Variants in SLC44A1 observed in about 807,000 individuals in gnomAD.
The protein encoded by SLC44A1 is choline transporter-like protein 1.
Under a neutral mutation model 79.3 loss-of-function variants are expected in SLC44A1, and 26 were observed. The observed-to-expected ratio is 0.33, with a 90% CI of 0.24 to 0.46. The LOEUF (loss-of-function observed/expected upper bound fraction) is 0.46. Ranked by LOEUF, SLC44A1 falls within the 20% of genes least tolerant of loss-of-function variation. The probability of loss-of-function intolerance (pLI) is 1.00; values close to 1 mark genes in which losing one functional copy is unlikely to be tolerated. For missense variants in SLC44A1, 688 were observed against 798.1 expected (o/e 0.86, Z 1.66); for synonymous variants, 263 against 286.2 (o/e 0.92, Z 0.82).
intron 3 of SLC44A1, among the ~76,000 whole-genome samples, chr9:105,322,114 G>A (rs148219236): frequency 9.4e-4 from 143 of 152,310 alleles, no homozygotes; most frequent in African/African-American, 3.2e-3. Context: ...GAGGCACACC[G>A]TGGAAGTGGA....
At chr9:105,370,482 G>A (rs1006444249) in intron 12 of SLC44A1, among the ~76,000 whole-genome samples, 1 of 152,172 alleles carries the variant, frequency 6.6e-6, no homozygotes, top group Admixed American at 6.5e-5. Context: ...TCTCAGAGGG[G>A]TGGAGAAAAG....
chr9:105,358,298 C>A, intron 6 of SLC44A1, 46 bp from the exon 7 acceptor site: 1 of 1,080,618 alleles, frequency 9.3e-7, no homozygotes, highest in East Asian at 2.4e-5. Flanking sequence ...TTGTATTTAC[C>A]TGCATTTTCA....
At chr9:105,422,723 C>T (rs1451863983) in intron 15 of SLC44A1, among the ~76,000 whole-genome samples, 1 of 152,134 alleles carries the variant, frequency 6.6e-6, no homozygotes, top group Non-Finnish European at 1.5e-5. Flanking sequence ...AATTATAATT[C>T]CCTGGGGGCA....
At chr9:105,343,911 G>A (rs1827174307) in intron 4 of SLC44A1, among the ~76,000 whole-genome samples, 1 of 152,200 alleles carries the variant, frequency 6.6e-6, no homozygotes, top group Middle Eastern at 3.2e-3. Context: ...AACAGTGGTT[G>A]ACAGACGATG....
At chr9:105,438,299 G>GTC in exon 16 of SLC44A1, 1 of 1,550,092 alleles carries the variant, frequency 6.5e-7, no homozygotes, top group Non-Finnish European at 8.7e-7. Flanking sequence ...AAGGTGACTG[G>GTC]TCTCATGAGC....
chr9:105,305,059 C>T (rs1402412268), intron 2 of SLC44A1, among the ~76,000 whole-genome samples: 2 of 133,694 alleles, frequency 1.5e-5, no homozygotes, highest in African/African-American at 2.8e-5. Context: ...CAGTCTTGAA[C>T]TCCTGGGTTC....
At chr9:105,432,542 T>G (rs1293412569) in intron 15 of SLC44A1, among the ~76,000 whole-genome samples, 1 of 152,238 alleles carries the variant, frequency 6.6e-6, no homozygotes, top group Non-Finnish European at 1.5e-5. Context: ...AGCTTCATCC[T>G]TCTGCCTTTA....
chr9:105,379,805 A>C lies in SLC44A1; in HGVS notation c.1633-3318A>C, dbSNP rs572786856. Among the ~76,000 whole-genome samples the C allele has an allele frequency of 9.2e-5, 14 of 152,318 alleles. No individual in the cohort carries two copies. The East Asian group carries it at 2.5e-3, about 27-fold the overall frequency. On this transcript the variant is annotated intron_variant, in intron 13 of 15. Coordinates refer to ENST00000374720, the MANE Select transcript of SLC44A1 (RefSeq NM_080546.5). ...ATATTTGTCCTAATAAAGCTATCCC[A>C]AAACCCCTCAATCTCAAATTCCTTT...
chr9:105,279,969 G>A (rs538412729), intron 1 of SLC44A1, among the ~76,000 whole-genome samples: 156 of 152,240 alleles, frequency 1.0e-3, no homozygotes, highest in Admixed American at 1.9e-3. Flanking sequence ...TATAAAATTA[G>A]AAATAACCCT....
intron 1 of SLC44A1, among the ~76,000 whole-genome samples, chr9:105,250,348 T>C (rs1432354000): frequency 6.6e-6 from 1 of 152,186 alleles, no homozygotes; most frequent in Non-Finnish European, 1.5e-5. Context: ...TAACAAATAC[T>C]ATACTATCAA....
At chr9:105,278,783 A>G (rs905076066) in intron 1 of SLC44A1, among the ~76,000 whole-genome samples, 1 of 152,256 alleles carries the variant, frequency 6.6e-6, no homozygotes, top group Non-Finnish European at 1.5e-5. Flanking sequence ...CATATGCTAA[A>G]GTAAGTCACT....
intron 15 of SLC44A1, among the ~76,000 whole-genome samples, chr9:105,409,617 C>T (rs1446959960): frequency 2.0e-5 from 3 of 151,942 alleles, no homozygotes; most frequent in Non-Finnish European, 4.4e-5. Context: ...CCCAGGAGGT[C>T]GAGGTTGCAG....
chr9:105,280,957 A>T (rs1830336477), intron 1 of SLC44A1, among the ~76,000 whole-genome samples: 1 of 152,234 alleles, frequency 6.6e-6, no homozygotes, highest in African/African-American at 2.4e-5. Flanking sequence ...TGGCACAGAC[A>T]TGGCAGGACA....
At chr9:105,321,049 G>A (rs995707067) in intron 3 of SLC44A1, among the ~76,000 whole-genome samples, 2 of 152,108 alleles carry the variant, frequency 1.3e-5, no homozygotes, top group African/African-American at 4.8e-5. Flanking sequence ...ATCTTTTGAT[G>A]AGCAAAAGTT....
intron 14 of SLC44A1, among the ~76,000 whole-genome samples, chr9:105,384,790 C>T (rs1380203176): frequency 1.3e-5 from 2 of 152,106 alleles, no homozygotes; most frequent in African/African-American, 4.8e-5. Flanking sequence ...AGAAGTTCCC[C>T]GTAAACGTTG....
At chr9:105,427,423 A>G (rs1829337295) in intron 15 of SLC44A1, among the ~76,000 whole-genome samples, 1 of 152,130 alleles carries the variant, frequency 6.6e-6, no homozygotes, top group Non-Finnish European at 1.5e-5. Flanking sequence ...TCATCTTTGT[A>G]TAGAAATATG....
At chr9:105,338,803 G>A (rs1411960120) in intron 4 of SLC44A1, among the ~76,000 whole-genome samples, 1 of 152,156 alleles carries the variant, frequency 6.6e-6, no homozygotes, top group East Asian at 1.9e-4. Flanking sequence ...TGTTGTTACA[G>A]CATATTTCTG....
intron 1 of SLC44A1, among the ~76,000 whole-genome samples, chr9:105,285,537 T>A (rs1830454048): frequency 6.6e-6 from 1 of 152,202 alleles, no homozygotes; most frequent in Admixed American, 6.5e-5. Flanking sequence ...GGCTGTTTAT[T>A]TCACCTGGGT....
Position 105,324,044 on chromosome 9 carries a change from C to T in SLC44A1, c.270-11519C>T, listed in dbSNP as rs149265080. On this transcript the variant is annotated intron_variant, in intron 3 of 15. Transcript: ENST00000374720. Reference sequence around the variant, plus strand: ...TTTGACGGAGTCTTGCTCTGTCGCCCAGGCTGGAGTGCAGTGGTGCGATCT... The same window carrying T: ...TTTGACGGAGTCTTGCTCTGTCGCCTAGGCTGGAGTGCAGTGGTGCGATCT... 5.2e-3 allele frequency among the ~76,000 whole-genome samples: 799 copies of T among 152,208 alleles called. 3 individuals are homozygous for T. The highest frequency in any genetic ancestry group is 8.4e-3 in the Non-Finnish European group (569 of 68,010).
Sources: gnomAD v4.1 joint callset for allele counts (sites outside exome capture counted in the v4.1 genomes callset) on GRCh38, gnomAD v4.1.1 for gene constraint, MANE v1.5 for transcripts, NCBI Gene and HGNC (gene_info 2026-07-23, HGNC 2026-07-21) for gene names.